Variants in XPO5 observed in about 807,000 individuals in gnomAD.
XPO5 encodes the protein exportin 5.
XPO5 carries 46 observed loss-of-function variants against 160.6 expected under a neutral mutation model. The observed-to-expected ratio is 0.29, with a 90% CI of 0.23 to 0.37. XPO5 has a LOEUF of 0.37. Ranked by LOEUF, XPO5 falls within the 10% of genes least tolerant of loss-of-function variation. The pLI, the probability that XPO5 is intolerant of heterozygous loss-of-function variation, is 1.00. For synonymous variants in XPO5, 537 were observed against 519.3 expected (o/e 1.03, Z -0.46); for missense variants, 1,090 against 1,463.9 (o/e 0.74, Z 4.17).
At position 43,525,254 on chromosome 6, in the gene XPO5, GCA is replaced by G. The variant is rs748690251; in HGVS notation, c.3067-42_3067-41del. ...ATGAAGAGTTACAATGGAAAAAGAAGCACAGTTTTCTCTGATGATTATTACAC... is the reference window on the plus strand; with the variant it reads ...ATGAAGAGTTACAATGGAAAAAGAAGCAGTTTTCTCTGATGATTATTACAC... On this transcript the variant is annotated intron_variant, in intron 28 of 31. Transcript: ENST00000265351. The G allele has an allele frequency of 7.8e-6, 12 of 1,535,736 alleles. No homozygotes were observed. In the South Asian group the frequency reaches 8.4e-5, roughly 11 times the overall value.
intron 26 of XPO5, chr6:43,526,988 T>TTA (rs1307431217): frequency 2.0e-6 from 1 of 506,322 alleles, no homozygotes; most frequent in Non-Finnish European, 3.6e-6. Flanking sequence ...TGAGAGTGAG[T>TTA]GACTAGGAAA....
intron 8 of XPO5, among the ~76,000 whole-genome samples, chr6:43,563,533 C>T (rs906010278): frequency 1.3e-5 from 2 of 152,132 alleles, no homozygotes; most frequent in African/African-American, 4.8e-5. Flanking sequence ...AGAAATGCAT[C>T]GTTAAGTGAT....
chr6:43,540,520 G>GCA (rs751602609), intron 20 of XPO5, among the ~76,000 whole-genome samples: 27 of 152,210 alleles, frequency 1.8e-4, no homozygotes, highest in Non-Finnish European at 3.4e-4. Context: ...AGGCATGGTG[G>GCA]CACACACCTG....
intron 1 of XPO5, 140 bp from the exon 2 acceptor site, chr6:43,573,741 G>T: frequency 1.0e-6 from 1 of 988,246 alleles, no homozygotes; most frequent in Non-Finnish European, 1.4e-6. Context: ...GAGATGGGTG[G>T]ACTACTTGAG....
chr6:43,528,686 G>A, intron 24 of XPO5, 142 bp downstream of exon 24: 1 of 756,030 alleles, frequency 1.3e-6, no homozygotes, highest in Non-Finnish European at 2.2e-6. Context: ...AGCAAGGATA[G>A]TCAGCTGGGG....
intron 1 of XPO5, among the ~76,000 whole-genome samples, chr6:43,574,954 T>C (rs1159108463): frequency 6.6e-6 from 1 of 152,176 alleles, no homozygotes; most frequent in Non-Finnish European, 1.5e-5. Context: ...ACTTTAAAAA[T>C]GTACAGCACA....
chr6:43,555,669 T>G (rs1762041806), intron 13 of XPO5, 167 bp downstream of exon 13: 1 of 701,608 alleles, frequency 1.4e-6, no homozygotes, highest in Middle Eastern at 4.0e-4. Context: ...TCATCTGCTT[T>G]CTTTGTGTCA....
intron 20 of XPO5, among the ~76,000 whole-genome samples, chr6:43,543,034 A>G (rs1370212107): frequency 1.3e-5 from 2 of 152,228 alleles, no homozygotes; most frequent in African/African-American, 2.4e-5. Flanking sequence ...GAGAACAAAA[A>G]AAACACAAGT....
intron 20 of XPO5, among the ~76,000 whole-genome samples, chr6:43,542,470 C>T (rs1794747390): frequency 6.6e-6 from 1 of 152,064 alleles, no homozygotes; most frequent in Admixed American, 6.5e-5. Context: ...AGTACGGTAA[C>T]ATGATCTCAG....
In XPO5 at chr6:43,547,789, A is replaced by G. The variant is rs148562461; in HGVS notation, c.2061-82T>C. ...CTTCCACAGGAGTTAACAGGCTATC[A>G]TTATTTGGCCCTTAAGAGCAGTTTT... On this transcript the variant is annotated intron_variant, in intron 18 of 31. Transcript: ENST00000265351. 3.4e-4 allele frequency: 425 copies of G among 1,255,972 alleles called. No homozygotes were observed. In the African/African-American group the frequency reaches 5.1e-3, roughly 15 times the overall value. 77.8% of individuals were successfully genotyped at this position (1,255,972 alleles called of 1,614,324 possible).
chr6:43,572,103 G>A (rs1174102827), intron 3 of XPO5, among the ~76,000 whole-genome samples: 1 of 152,124 alleles, frequency 6.6e-6, no homozygotes, highest in Non-Finnish European at 1.5e-5. Context: ...TTTGAGATAG[G>A]GTCTTGCTCT....
chr6:43,545,249 T>C (rs1794906250), intron 20 of XPO5, among the ~76,000 whole-genome samples: 1 of 152,166 alleles, frequency 6.6e-6, no homozygotes, highest in South Asian at 2.1e-4. Flanking sequence ...TTTGTCAACA[T>C]TAACTTAAAA....
At position 43,568,730 on chromosome 6, in the gene XPO5, T is replaced by C. The variant is rs1390377687; in HGVS notation, c.629A>G (p.Asp210Gly). Residue 210 changes from aspartate (D) to glycine (G), a missense_variant, in exon 6 of 32, where the codon GAT becomes GGT. Coordinates refer to ENST00000265351, the MANE Select transcript of XPO5 (RefSeq NM_020750.3). Reference protein sequence around the residue: ...NVNKYQQVKTDTSQESKAQAN... With the variant: ...NVNKYQQVKTGTSQESKAQAN... ...TCTTACCTTTGACTCCTGAGAAGTATCTGTCTTCTGAAAGGAAGTATAAAG... is the reference window on the plus strand; with the variant it reads ...TCTTACCTTTGACTCCTGAGAAGTACCTGTCTTCTGAAAGGAAGTATAAAG... The C allele has an allele frequency of 1.3e-6, 2 of 1,577,144 alleles. No individual in the cohort carries two copies. Among genetic ancestry groups the C allele is most frequent in the Admixed American group, 3.6e-5 (2 of 56,004 alleles).
At chr6:43,524,152 G>A in intron 31 of XPO5, 147 bp from the exon 32 acceptor site, 1 of 1,188,450 alleles carries the variant, frequency 8.4e-7, no homozygotes, top group African/African-American at 1.5e-5. Flanking sequence ...AGGAGTTCAA[G>A]ACCAGCCTGA....
chr6:43,546,797 A>C lies in XPO5; in HGVS notation c.2161-45T>G, dbSNP rs765264770. The C allele has an allele frequency of 1.3e-5, 20 of 1,494,238 alleles. No individual in the cohort carries two copies. The African/African-American group carries it at 2.9e-4, about 21-fold the overall frequency. 92.6% of individuals were successfully genotyped at this position (1,494,238 alleles called of 1,614,324 possible). A position where few individuals can be genotyped will look rare whatever the true frequency, so the allele number is the denominator to read the frequency against. ...ACAGATAAATATTAAAAGGAAAAAA[A>C]AAAAAAGACCAAATACTGTTAGATA... On this transcript the variant is annotated intron_variant, in intron 19 of 31. Transcript: ENST00000265351.
At chr6:43,526,080 G>T in intron 27 of XPO5, 159 bp from the exon 28 acceptor site, 1 of 666,584 alleles carries the variant, frequency 1.5e-6, no homozygotes, top group African/African-American at 1.8e-5. Flanking sequence ...TAATGCCCAT[G>T]CCCATGGCTG....
Position 43,526,760 on chromosome 6 carries a change from A to G in XPO5, c.2921-13T>C, listed in dbSNP as rs1793619947. On this transcript the variant is annotated splice_polypyrimidine_tract_variant and intron_variant, in intron 26 of 31. Transcript: ENST00000265351. ...ACACAGCAAACCGCTAAAGCAAGAA[A>G]GCAGGGTTACTAGGTGAAGGGTGGG... The G allele has an allele frequency of 6.2e-7, 1 of 1,613,122 alleles. No homozygotes were observed. The highest frequency in any genetic ancestry group is 1.3e-5 in the African/African-American group (1 of 74,922).
intron 13 of XPO5, 28 bp from the exon 14 acceptor site, chr6:43,553,531 A>G (rs1795359783): frequency 2.6e-6 from 4 of 1,510,550 alleles, no homozygotes; most frequent in Non-Finnish European, 2.7e-6. Flanking sequence ...ACACATACAC[A>G]CACACACACA....
intron 7 of XPO5, 27 bp downstream of exon 7, chr6:43,567,136 CTGAGGA>C: frequency 1.3e-6 from 2 of 1,584,220 alleles, no homozygotes; most frequent in Non-Finnish European, 1.7e-6. Context: ...ACTTCAGAGA[CTGAGGA>C]TAAGTCAGTT....
Sources: gnomAD v4.1 joint callset for allele counts (sites outside exome capture counted in the v4.1 genomes callset) on GRCh38, gnomAD v4.1.1 for gene constraint, MANE v1.5 for transcripts, NCBI Gene and HGNC (gene_info 2026-07-23, HGNC 2026-07-21) for gene names.